Variants in KIF26B observed in about 807,000 individuals in gnomAD.
KIF26B encodes the protein kinesin-like protein KIF26B.
Under a neutral mutation model 151.2 loss-of-function variants are expected in KIF26B, and 63 were observed. The observed-to-expected ratio is 0.42, with a 90% CI of 0.34 to 0.51. The LOEUF is 0.51. Ranked by LOEUF, KIF26B falls within the 20% of genes least tolerant of loss-of-function variation. The pLI, the probability that KIF26B is intolerant of heterozygous loss-of-function variation, is 0.07. For missense variants in KIF26B, 2,813 were observed against 2,913.6 expected, an observed-to-expected ratio of 0.97 and a Z score of 0.79; for synonymous variants, 1,357 against 1,262.1, an observed-to-expected ratio of 1.08 and a Z score of -1.59.
intron 2 of KIF26B, among the ~76,000 whole-genome samples, chr1:245,262,432 T>A (rs1670663869): frequency 6.6e-6 from 1 of 151,952 alleles, no homozygotes; most frequent in South Asian, 2.1e-4. Context: ...AGGGAATGAG[T>A]TCTTTTTTTG....
intron 2 of KIF26B, among the ~76,000 whole-genome samples, chr1:245,183,033 G>T (rs1332499007): frequency 1.3e-5 from 2 of 152,226 alleles, no homozygotes; most frequent in African/African-American, 4.8e-5. Flanking sequence ...TCACCCTGTA[G>T]CTTTGATTTG....
intron 5 of KIF26B, among the ~76,000 whole-genome samples, chr1:245,561,972 C>T (rs1430810876): frequency 1.2e-4 from 19 of 152,168 alleles, no homozygotes; most frequent in East Asian, 3.9e-4. Flanking sequence ...GCTGTGGATG[C>T]TGAAGGGCAC....
Position 245,244,211 on chromosome 1 carries a change from C to G in KIF26B, c.465+87528C>G, listed in dbSNP as rs1670270620. ...GCCTCAAGCAATCTTTCCACCTTAG[C>G]CTCCCAAAGTGCTGGGATTGTAGGA... On this transcript the variant is annotated intron_variant, in intron 2 of 14. Coordinates refer to ENST00000407071, the MANE Select transcript of KIF26B (RefSeq NM_018012.4). This position sits in a 1 kb window ranked among gnomAD's most constrained non-coding sequence, Gnocchi z 4.2. Among the ~76,000 whole-genome samples, 1 of 152,148 alleles carries G rather than the reference C, an allele frequency of 6.6e-6. No individual in the cohort carries two copies. Among genetic ancestry groups the G allele is most frequent in the Non-Finnish European group, 1.5e-5 (1 of 68,030 alleles).
intron 4 of KIF26B, among the ~76,000 whole-genome samples, chr1:245,426,128 GT>G (rs376561792): frequency 0.018 from 2,701 of 151,870 alleles, 71 homozygotes; most frequent in African/African-American, 0.061. Context: ...CCTTTATTCT[GT>G]TTTTTTGCTC....
At chr1:245,321,833 G>A (rs143363606) in intron 2 of KIF26B, among the ~76,000 whole-genome samples, 5 of 152,292 alleles carry the variant, frequency 3.3e-5, no homozygotes, top group African/African-American at 1.2e-4. Context: ...TTGTAGCCAA[G>A]GTGATGGACT....
rs1388883752 is a variant in KIF26B at position 245,684,388 on chromosome 1, AGAC to A, written c.2417_2419del (p.Thr806del). On this transcript the variant is annotated inframe_deletion, in exon 11 of 15. Coordinates refer to ENST00000407071, the MANE Select transcript of KIF26B (RefSeq NM_018012.4). ...AGAGTCTTGAGGATGAAGAAAAAGA[AGAC>A]GAAGGTAAGGAGCTCGCGGGGTGGG... 2.5e-6 allele frequency: 4 copies of A among 1,602,360 alleles called. No homozygotes were observed. The East Asian group carries it at 9.0e-5, about 36-fold the overall frequency.
At chr1:245,658,397 G>GT (rs1300531798) in intron 10 of KIF26B, among the ~76,000 whole-genome samples, 1 of 152,112 alleles carries the variant, frequency 6.6e-6, no homozygotes, top group Non-Finnish European at 1.5e-5. Flanking sequence ...CAATTACATT[G>GT]TGAGTTTTCT....
rs185640117 is a variant in KIF26B, at chr1:245,185,567, C to A, written c.465+28884C>A. ...TCAATCAACAAACACTGTGGTCTGT[C>A]TTTTCTCTCAGCAAAGTCTGAAGGA... On this transcript the variant is annotated intron_variant, in intron 2 of 14. Coordinates refer to ENST00000407071, the MANE Select transcript of KIF26B (RefSeq NM_018012.4). 3.6e-4 allele frequency among the ~76,000 whole-genome samples: 55 copies of A among 152,336 alleles called. No individual in the cohort carries two copies. The East Asian group carries it at 8.3e-3, about 23-fold the overall frequency.
chr1:245,345,921 T>C (rs539401518), intron 2 of KIF26B, among the ~76,000 whole-genome samples: 1 of 146,492 alleles, frequency 6.8e-6, no homozygotes, highest in East Asian at 2.0e-4. Flanking sequence ...GTATTTCTTT[T>C]TCTTTCTTTC....
chr1:245,576,381 T>G (rs756405229), intron 5 of KIF26B, among the ~76,000 whole-genome samples: 3 of 152,180 alleles, frequency 2.0e-5, no homozygotes, highest in Non-Finnish European at 4.4e-5. Context: ...CCTGTAATCA[T>G]ATTTGCTATC....
At chr1:245,202,662 A>T (rs1669321205) in intron 2 of KIF26B, among the ~76,000 whole-genome samples, 1 of 149,202 alleles carries the variant, frequency 6.7e-6, no homozygotes, top group Non-Finnish European at 1.5e-5. Flanking sequence ...CAGGAGGCTG[A>T]GGCAGGAGAA....
At chr1:245,214,641 C>A (rs1223003811) in intron 2 of KIF26B, among the ~76,000 whole-genome samples, 2 of 152,080 alleles carry the variant, frequency 1.3e-5, no homozygotes, top group Non-Finnish European at 2.9e-5. Flanking sequence ...GAGTTTGAGA[C>A]CAGCCTGGGC....
chr1:245,550,114 C>T (rs1661842861), intron 5 of KIF26B, among the ~76,000 whole-genome samples: 1 of 152,182 alleles, frequency 6.6e-6, no homozygotes, highest in Non-Finnish European at 1.5e-5. Flanking sequence ...GACAAATTTC[C>T]TGCCAAATCT....
Position 245,698,929 on chromosome 1 carries a change from C to T in KIF26B, c.6070C>T (p.Arg2024Cys), listed in dbSNP as rs367632094. 62 of 1,613,862 alleles carry T rather than the reference C, an allele frequency of 3.8e-5. No individual in the cohort carries two copies. The highest frequency in any genetic ancestry group is 1.3e-4 in the Admixed American group (8 of 60,000). ...TGCAAAGCTGAAGATTCTGGAACAC[C>T]GCCAGCAGAGGATCGCCGAGGTCCG... ...FNAKLKILEH[R>C]QQRIAEVRAK... is the part of the protein sequence containing the mutation. The change falls in exon 14 of 15, where the codon CGC (arginine) becomes TGC (cysteine). Residue 2024 changes from arginine to cysteine, a missense_variant. Arg to Cys is a radical substitution (Grantham distance 180). Around this residue, in one of 3 missense-constraint regions of KIF26B, gnomAD observed 2,060 missense variants for 2,088.6 expected, o/e 0.99. Transcript: ENST00000407071. The surrounding 1 kb of genome is among the most constrained non-coding windows in gnomAD (Gnocchi z 4.0).
At chr1:245,633,280 C>CT (rs35311427) in intron 9 of KIF26B, among the ~76,000 whole-genome samples, 3,013 of 137,386 alleles carry the variant, frequency 0.022, 106 homozygotes, top group African/African-American at 0.07. Flanking sequence ...ACAGTTGGGT[C>CT]TTTTTTTTTT....
intron 6 of KIF26B, among the ~76,000 whole-genome samples, chr1:245,604,649 G>A (rs2043430660): frequency 6.6e-6 from 1 of 152,164 alleles, no homozygotes; most frequent in Admixed American, 6.5e-5. Context: ...CATGGACTAT[G>A]AATGCGTTTT....
intron 4 of KIF26B, among the ~76,000 whole-genome samples, chr1:245,478,621 T>G (rs1468616194): frequency 6.6e-6 from 1 of 151,664 alleles, no homozygotes; most frequent in Non-Finnish European, 1.5e-5. Context: ...TTTCACCGTG[T>G]TAGCCAGGAT....
intron 10 of KIF26B, among the ~76,000 whole-genome samples, chr1:245,663,732 A>T (rs1213568961): frequency 6.6e-6 from 1 of 152,094 alleles, no homozygotes; most frequent in African/African-American, 2.4e-5. Context: ...TAAGCGTGCA[A>T]ACCTGCATGT....
At chr1:245,437,923 C>T (rs944746996) in intron 4 of KIF26B, among the ~76,000 whole-genome samples, 2 of 152,170 alleles carry the variant, frequency 1.3e-5, no homozygotes, top group Admixed American at 1.3e-4. Flanking sequence ...GAAACATAGA[C>T]TCTAAGAATT....
Sources: gnomAD v4.1 joint callset for allele counts (sites outside exome capture counted in the v4.1 genomes callset) on GRCh38, gnomAD v4.1.1 for gene constraint, gnomAD v4.1.1 regional missense constraint, Gnocchi (gnomAD v3.1) non-coding constraint, MANE v1.5 for transcripts, NCBI Gene and HGNC (gene_info 2026-07-23, HGNC 2026-07-21) for gene names.